The following TMEM253 variants were observed in gnomAD, a reference collection of about 807,000 sequenced individuals.
TMEM253 encodes transmembrane protein 253.
TMEM253 carries 22 observed loss-of-function variants against 20.3 expected under a neutral mutation model. The observed-to-expected ratio is 1.08, with a 90% CI of 0.78 to 1.55. TMEM253 has a LOEUF of 1.55. Among genes scored for constraint, TMEM253 ranks in the 40% most tolerant of loss-of-function variants. The pLI, the probability that TMEM253 is intolerant of heterozygous loss-of-function variation, is 0.00. For missense variants in TMEM253, 251 were observed against 266.1 expected (o/e 0.94, Z 0.39); for synonymous variants, 92 against 102.6 (o/e 0.90, Z 0.62).
chr14:21,102,117 G>A lies in TMEM253; in HGVS notation c.273G>A (p.Trp91Ter). ...AGCTTCGCAGAGCACCCCGCCTTTG[G>A]AAGGTGAGAGGGAAGAAAACGCAGC... The change falls in exon 4 of 7, where the codon TGG becomes TGA. Residue 91 changes from tryptophan (W) to a stop codon, truncating the protein, a stop_gained. Coordinates refer to ENST00000556585, the Ensembl canonical transcript of TMEM253. LOFTEE classifies it high-confidence loss of function. 1.3e-6 allele frequency: 2 copies of A among 1,550,802 alleles called. No homozygotes were observed. Among genetic ancestry groups the A allele is most frequent in the Non-Finnish European group, 1.7e-6 (2 of 1,146,536 alleles).
intron 2 of TMEM253, 46 bp from the exon 3 acceptor site, chr14:21,101,819 G>T: frequency 6.9e-7 from 1 of 1,459,818 alleles, no homozygotes; most frequent in South Asian, 1.2e-5. Context: ...GAGAAGGGAG[G>T]GAATCCCTGA....
chr14:21,099,323 G>A (rs1206589406), upstream of TMEM253: 2 of 152,278 alleles, frequency 1.3e-5, no homozygotes, highest in African/African-American at 2.4e-5. Context: ...AGAAAAATGA[G>A]GCTTCAGGAA....
chr14:21,100,499 C>A (rs1453147037), upstream of TMEM253, among the ~76,000 whole-genome samples: 3 of 151,784 alleles, frequency 2.0e-5, no homozygotes, highest in African/African-American at 7.3e-5. Flanking sequence ...GTTGCAATAG[C>A]ATCCTTCCCA....
At position 21,101,950 on chromosome 14, in the gene TMEM253, C is replaced by A. The variant is rs755925330; in HGVS notation, c.194C>A (p.Ala65Glu). The A allele has an allele frequency of 4.7e-5, 73 of 1,551,534 alleles. No homozygotes were observed. Among genetic ancestry groups the A allele is most frequent in the Non-Finnish European group, 6.0e-5 (69 of 1,147,004 alleles). Residue 65 changes from alanine to glutamate, a missense_variant, in exon 3 of 7, where the codon GCG (alanine) becomes GAG (glutamate). By Grantham distance (107) the Ala-to-Glu change is moderately radical. Coordinates refer to ENST00000556585, the Ensembl canonical transcript of TMEM253. ...AACTCTGATTGTCACATGGCCACAG[C>A]GCTGCCTCTTGGGCCTGGAGCCTCA... is the stretch of plus-strand genomic sequence containing the variant.
At chr14:21,099,720 C>T (rs1232608591), upstream of TMEM253, among the ~76,000 whole-genome samples, 1 of 152,250 alleles carries the variant, frequency 6.6e-6, no homozygotes, top group East Asian at 1.9e-4. Flanking sequence ...GGGCTAAGCT[C>T]TCTTCCATGC....
At chr14:21,103,282 GC>G in exon 7 of TMEM253, 1 of 1,545,306 alleles carries the variant, frequency 6.5e-7, no homozygotes, top group Non-Finnish European at 8.7e-7. Context: ...AGACATTCCT[GC>G]ATCCCACCCC....
exon 7 of TMEM253, chr14:21,103,440 C>T (rs1222533076): frequency 3.0e-5 from 30 of 992,252 alleles, no homozygotes; most frequent in Non-Finnish European, 4.3e-5. Flanking sequence ...CACCTCACCA[C>T]CCTGAAAAGC....
exon 2 of TMEM253, chr14:21,101,338 G>A (rs1191547115): frequency 6.4e-7 from 1 of 1,551,256 alleles, no homozygotes; most frequent in Non-Finnish European, 8.7e-7. Context: ...TGTGGGCAAA[G>A]GAGCCATGGA....
intron 1 of TMEM253, 28 bp from the exon 2 acceptor site, chr14:21,101,280 G>T: frequency 6.8e-7 from 1 of 1,462,114 alleles, no homozygotes; most frequent in Non-Finnish European, 9.4e-7. Flanking sequence ...TCTCCTAATA[G>T]ACAGAACCTA....
upstream of TMEM253, among the ~76,000 whole-genome samples, chr14:21,100,392 T>C (rs1889559386): frequency 6.6e-6 from 1 of 151,546 alleles, no homozygotes; most frequent in South Asian, 2.1e-4. Context: ...ATAATAATAA[T>C]GTATCCAAGA....
chr14:21,103,203 C>G, exon 7 of TMEM253: 1 of 1,551,660 alleles, frequency 6.4e-7, no homozygotes, highest in Non-Finnish European at 8.7e-7. Context: ...AGCACAGGAG[C>G]AAATGAGAGG....
At chr14:21,101,237 G>T (rs965456007) in intron 1 of TMEM253, 53 bp downstream of exon 1, 25 of 1,005,128 alleles carry the variant, frequency 2.5e-5, no homozygotes, top group Non-Finnish European at 3.7e-5. Flanking sequence ...GTGGGCAGAG[G>T]TGTAGCTGAA....
At chr14:21,103,438 C>A in exon 7 of TMEM253, 3 of 1,038,152 alleles carry the variant, frequency 2.9e-6, no homozygotes, top group Non-Finnish European at 4.0e-6. Flanking sequence ...CTCACCTCAC[C>A]ACCCTGAAAA....
Position 21,102,701 on chromosome 14 carries a change from G to A in TMEM253, c.456G>A (p.Val152=). The change falls in exon 6 of 7, where the codon GTG becomes GTA. Residue 152 remains valine (V), a synonymous_variant. Transcript: ENST00000556585. ...CCCTAGGGGGAGTGCTGGTCTCAGT[G>A]CACGCCCTATTCTTGCTGAGCCAGA... 2 of 1,551,552 alleles carry A rather than the reference G, an allele frequency of 1.3e-6. 1 individual carries two copies. Among genetic ancestry groups the A allele is most frequent in the Middle Eastern group, 3.3e-4 (2 of 5,980 alleles).
chr14:21,101,254 G>A (rs1029283002), intron 1 of TMEM253, 54 bp from the exon 2 acceptor site: 17 of 1,212,532 alleles, frequency 1.4e-5, no homozygotes, highest in Middle Eastern at 1.9e-4. Context: ...TGAAAGATAC[G>A]TTGTTGCATG....
intron 2 of TMEM253, 127 bp from the exon 3 acceptor site, chr14:21,101,738 C>G (rs1889645162): frequency 1.3e-6 from 1 of 749,920 alleles, no homozygotes; most frequent in East Asian, 2.7e-5. Context: ...CACGTCCTTG[C>G]TCTGGGTTGA....
exon 7 of TMEM253, chr14:21,103,375 C>T: frequency 7.0e-7 from 1 of 1,437,192 alleles, no homozygotes; most frequent in Non-Finnish European, 9.1e-7. Flanking sequence ...AAAGCAGGCC[C>T]TTTTTTCGTT....
Position 21,102,049 on chromosome 14 carries a change from C to G in TMEM253, c.220-15C>G. 1 of 1,551,192 alleles carries G rather than the reference C, an allele frequency of 6.4e-7. No individual in the cohort carries two copies. The highest frequency in any genetic ancestry group is 1.2e-5 in the South Asian group (1 of 84,002). On this transcript the variant is annotated splice_polypyrimidine_tract_variant and intron_variant, in intron 3 of 6. Transcript: ENST00000556585. ...ACGGGACCAGAGCTCAACACTTGCC[C>G]TTCTCACCATTCAGGGTCTCCTCAC... is the stretch of plus-strand genomic sequence containing the variant.
Position 21,101,856 on chromosome 14 carries a change from T to G in TMEM253, c.109-9T>G. 6.4e-7 allele frequency: 1 copy of G among 1,550,758 alleles called. No homozygotes were observed. The highest frequency in any genetic ancestry group is 8.7e-7 in the Non-Finnish European group (1 of 1,146,346). On this transcript the variant is annotated splice_polypyrimidine_tract_variant and intron_variant, in intron 2 of 6. Transcript: ENST00000556585. ...AGTTCCTCCCCAATTACCCTACCCT[T>G]ACCCCCAGGTGAGCCAGCTATGGCT...
Sources: allele counts gnomAD v4.1 joint callset (sites outside exome capture counted in the v4.1 genomes callset), GRCh38; gene constraint gnomAD v4.1.1; transcripts MANE v1.5; gene names NCBI Gene and HGNC (gene_info 2026-07-23, HGNC 2026-07-21).